Variants in SPMIP4 observed in about 807,000 individuals in gnomAD.
The protein encoded by SPMIP4 is sperm-associated microtubule inner protein 4.
the SPMIP4 span, among the ~76,000 whole-genome samples, chr7:25,143,388 T>A: frequency 2.0e-5 from 3 of 152,206 alleles, no homozygotes; most frequent in African/African-American, 7.2e-5. Flanking sequence ...ATTCACCTTT[T>A]CTCAGTATCT....
the SPMIP4 span, chr7:25,135,991 G>A: frequency 2.5e-6 from 4 of 1,605,424 alleles, no homozygotes; most frequent in Non-Finnish European, 3.4e-6. Context: ...GAAATAATAG[G>A]AATTATGGCC....
At chr7:25,148,458 C>G in the SPMIP4 span, among the ~76,000 whole-genome samples, 3 of 146,960 alleles carry the variant, frequency 2.0e-5, no homozygotes, top group Admixed American at 2.1e-4. Context: ...AGAAAGGCAG[C>G]ATGAGACAGA....
chr7:25,158,368 C>CAAAA, the SPMIP4 span: 3,837 of 300,280 alleles, frequency 0.013, 75 homozygotes, highest in South Asian at 0.025. Context: ...GACTCTGTCT[C>CAAAA]AAAAAAAAAA....
chr7:25,148,356 G>A, the SPMIP4 span, among the ~76,000 whole-genome samples: 1 of 152,116 alleles, frequency 6.6e-6, no homozygotes, highest in South Asian at 2.1e-4. Context: ...GGAGGATGCA[G>A]AAGGCCAGAA....
chr7:25,155,326 G>T, the SPMIP4 span: 5 of 610,666 alleles, frequency 8.2e-6, no homozygotes, highest in Non-Finnish European at 1.3e-5. Flanking sequence ...GGATAGGACA[G>T]TGAGTCAATG....
At chr7:25,127,964 G>A in the SPMIP4 span, among the ~76,000 whole-genome samples, 1 of 152,182 alleles carries the variant, frequency 6.6e-6, no homozygotes, top group Non-Finnish European at 1.5e-5. Flanking sequence ...AGACTTGTAG[G>A]GGTATGACAT....
At chr7:25,136,412 G>C in the SPMIP4 span, 1 of 1,614,180 alleles carries the variant, frequency 6.2e-7, no homozygotes, top group Admixed American at 1.7e-5. The surrounding 1 kb of genome is among the most constrained non-coding windows in gnomAD (Gnocchi z 5.7). Context: ...AGTGACTGCT[G>C]TCTCCAGTAT....
the SPMIP4 span, among the ~76,000 whole-genome samples, chr7:25,159,970 TTTTGA>T: frequency 6.7e-6 from 1 of 149,952 alleles, no homozygotes; most frequent in Non-Finnish European, 1.5e-5. Context: ...GCATATGCCA[TTTTGA>T]TTTGATTCGA....
At chr7:25,144,342 G>A in the SPMIP4 span, among the ~76,000 whole-genome samples, 3 of 152,290 alleles carry the variant, frequency 2.0e-5, no homozygotes, top group African/African-American at 4.8e-5. Context: ...GGACTACTTC[G>A]AGTTCTGCAC....
the SPMIP4 span, among the ~76,000 whole-genome samples, chr7:25,126,793 G>A: frequency 3.9e-5 from 6 of 152,160 alleles, no homozygotes; most frequent in Admixed American, 6.6e-5. Flanking sequence ...TGTACCTTCA[G>A]GTGGTTTCTT....
the SPMIP4 span, among the ~76,000 whole-genome samples, chr7:25,178,407 T>C: frequency 6.6e-6 from 1 of 152,240 alleles, no homozygotes; most frequent in Non-Finnish European, 1.5e-5. Context: ...ATCACCAAAC[T>C]GCTTTTCATA....
At chr7:25,150,309 C>T in the SPMIP4 span, among the ~76,000 whole-genome samples, 2 of 152,146 alleles carry the variant, frequency 1.3e-5, no homozygotes, top group East Asian at 3.8e-4. Flanking sequence ...TAGAATAACT[C>T]TCATATTTCT....
the SPMIP4 span, among the ~76,000 whole-genome samples, chr7:25,129,673 CG>C: frequency 6.6e-6 from 1 of 151,902 alleles, no homozygotes; most frequent in Non-Finnish European, 1.5e-5. Flanking sequence ...GTTCCTATGT[CG>C]GGGGCAATTC....
At chr7:25,126,188 T>G in the SPMIP4 span, among the ~76,000 whole-genome samples, 2 of 152,276 alleles carry the variant, frequency 1.3e-5, no homozygotes, top group Admixed American at 1.3e-4. Flanking sequence ...GCAATCCAAT[T>G]ATACTTTTAG....
chr7:25,177,838 A>T, the SPMIP4 span, among the ~76,000 whole-genome samples: 27 of 152,190 alleles, frequency 1.8e-4, no homozygotes, highest in Non-Finnish European at 2.4e-4. Flanking sequence ...TCAGGGGGAC[A>T]TATGCAGGTT....
chr7:25,160,825 A>G, the SPMIP4 span, among the ~76,000 whole-genome samples: 1 of 152,208 alleles, frequency 6.6e-6, no homozygotes, highest in Non-Finnish European at 1.5e-5. Context: ...TTGAAAATTT[A>G]TTGAGGGCCA....
chr7:25,128,759 A>G, the SPMIP4 span, among the ~76,000 whole-genome samples: 1 of 152,182 alleles, frequency 6.6e-6, no homozygotes, highest in African/African-American at 2.4e-5. The surrounding 1 kb of genome is among the most constrained non-coding windows in gnomAD (Gnocchi z 4.5). Context: ...CTTTCCTCAA[A>G]TAGGAGTCTC....
chr7:25,168,350 G>C, the SPMIP4 span: 1 of 1,613,072 alleles, frequency 6.2e-7, no homozygotes, highest in Non-Finnish European at 8.5e-7. Context: ...ACACGAGGAG[G>C]CTCATACTTT....
the SPMIP4 span, among the ~76,000 whole-genome samples, chr7:25,148,269 A>G: frequency 6.6e-6 from 1 of 152,162 alleles, no homozygotes; most frequent in African/African-American, 2.4e-5. Flanking sequence ...GGAAAGGTAA[A>G]TACTATAAAA....
Sources: gnomAD v4.1 joint callset for allele counts (sites outside exome capture counted in the v4.1 genomes callset) on GRCh38, gnomAD v4.1.1 for gene constraint, Gnocchi (gnomAD v3.1) non-coding constraint, MANE v1.5 for transcripts, NCBI Gene and HGNC (gene_info 2026-07-23, HGNC 2026-07-21) for gene names.